RALYL: variants seen among roughly 807,000 people sequenced by gnomAD.
RALYL encodes the protein RNA-binding Raly-like protein.
In RALYL, 29 loss-of-function variants were observed where a neutral mutation model predicts 35.1. The observed-to-expected ratio is 0.83, with a 90% CI of 0.61 to 1.13. The LOEUF is 1.13. Ranked by LOEUF, RALYL falls within the 50% of genes most tolerant of loss-of-function variation. RALYL has a pLI of 0.00. For missense variants in RALYL, 359 were observed against 360.4 expected (o/e 1.00, Z 0.03); for synonymous variants, 120 against 127.6 (o/e 0.94, Z 0.40).
chr8:84,464,127 A>G (rs1335884833), intron 1 of RALYL, among the ~76,000 whole-genome samples: 1 of 138,008 alleles, frequency 7.2e-6, no homozygotes, highest in Non-Finnish European at 1.6e-5. Context: ...AAACATTAAA[A>G]CAAGTTTTTT....
chr8:84,702,302 C>A (rs936690782), intron 2 of RALYL, among the ~76,000 whole-genome samples: 1 of 152,128 alleles, frequency 6.6e-6, no homozygotes, highest in Admixed American at 6.6e-5. Flanking sequence ...AGAAGCTACC[C>A]AGTGCATTGC....
At chr8:84,726,668 G>C (rs1845018884) in intron 2 of RALYL, among the ~76,000 whole-genome samples, 2 of 150,584 alleles carry the variant, frequency 1.3e-5, no homozygotes, top group African/African-American at 4.8e-5. Flanking sequence ...CTCTTACATG[G>C]AGGCAATTTC....
chr8:84,341,133 G>A (rs1194223758), intron 1 of RALYL, among the ~76,000 whole-genome samples: 2 of 139,726 alleles, frequency 1.4e-5, no homozygotes, highest in Non-Finnish European at 3.1e-5. Flanking sequence ...GTCTATTCCA[G>A]TTCTTCCTGT....
intron 2 of RALYL, among the ~76,000 whole-genome samples, chr8:84,683,833 T>G (rs1164501812): frequency 2.0e-5 from 3 of 152,128 alleles, no homozygotes; most frequent in Non-Finnish European, 2.9e-5. Flanking sequence ...ATTATAGGCA[T>G]GTGCCACCAT....
chr8:84,235,794 G>A (rs1289158599), intron 1 of RALYL, among the ~76,000 whole-genome samples: 3 of 133,778 alleles, frequency 2.2e-5, no homozygotes, highest in African/African-American at 8.8e-5. Context: ...TTGAGACAGA[G>A]TCTCATGCTG....
intron 2 of RALYL, among the ~76,000 whole-genome samples, chr8:84,753,108 C>T (rs1435142448): frequency 1.3e-5 from 2 of 152,192 alleles, no homozygotes; most frequent in African/African-American, 4.8e-5. Flanking sequence ...AAATCCACCC[C>T]TTGCATCAGT....
At chr8:84,252,180 C>T (rs1180516990) in intron 1 of RALYL, among the ~76,000 whole-genome samples, 2 of 152,014 alleles carry the variant, frequency 1.3e-5, no homozygotes, top group Non-Finnish European at 2.9e-5. Context: ...TTGTGACAAA[C>T]ATTGAGAGAA....
chr8:84,425,395 G>T (rs528340488), intron 1 of RALYL, among the ~76,000 whole-genome samples: 1 of 152,268 alleles, frequency 6.6e-6, no homozygotes, highest in Non-Finnish European at 1.5e-5. Flanking sequence ...GCAATGCCTC[G>T]CCCTGCTTCG....
At position 84,312,420 on chromosome 8, in the gene RALYL, T is replaced by C. The variant is rs1000297965; in HGVS notation, c.-24+127996T>C. Among the ~76,000 whole-genome samples, 8 of 152,274 alleles carry C rather than the reference T, an allele frequency of 5.3e-5. 1 individual carries two copies. The highest frequency in any genetic ancestry group is 4.6e-4 in the Admixed American group (7 of 15,290). On this transcript the variant is annotated intron_variant, in intron 1 of 8. Transcript: ENST00000521268. ...CCAACATCTTAACTCATTCCAGCATTAACTCAAAAGTCCAAGTCCACAATT... is the reference window on the plus strand; with the variant it reads ...CCAACATCTTAACTCATTCCAGCATCAACTCAAAAGTCCAAGTCCACAATT...
intron 2 of RALYL, among the ~76,000 whole-genome samples, chr8:84,642,048 A>G (rs1198481815): frequency 2.0e-5 from 3 of 152,014 alleles, no homozygotes; most frequent in Non-Finnish European, 4.4e-5. Context: ...ATGAGTACTC[A>G]TTTACTTATA....
intron 2 of RALYL, among the ~76,000 whole-genome samples, chr8:84,620,905 C>CG (rs1821212716): frequency 6.6e-6 from 1 of 152,068 alleles, no homozygotes; most frequent in South Asian, 2.1e-4. Flanking sequence ...TTAGGCTGCT[C>CG]GGGGGTCAGG....
intron 1 of RALYL, among the ~76,000 whole-genome samples, chr8:84,220,085 G>A (rs369896907): frequency 1.2e-4 from 18 of 151,942 alleles, no homozygotes; most frequent in Admixed American, 2.0e-4. Context: ...CCTGAGTTGC[G>A]TAATTTGGAT....
At chr8:84,214,135 T>A (rs535266309) in intron 1 of RALYL, among the ~76,000 whole-genome samples, 20 of 152,224 alleles carry the variant, frequency 1.3e-4, no homozygotes. Flanking sequence ...TAGAATATAC[T>A]TAATTAGGTC....
chr8:84,468,194 A>T (rs921261224), intron 1 of RALYL, among the ~76,000 whole-genome samples: 24 of 151,498 alleles, frequency 1.6e-4, no homozygotes, highest in African/African-American at 5.8e-4. Context: ...TTATGATTAT[A>T]GCTGGTGATT....
intron 2 of RALYL, among the ~76,000 whole-genome samples, chr8:84,739,091 A>G (rs959118035): frequency 1.3e-5 from 2 of 152,046 alleles, no homozygotes; most frequent in Non-Finnish European, 2.9e-5. Context: ...GTCCATGATT[A>G]AGATATAATT....
At chr8:84,633,129 A>G (rs1278606572) in intron 2 of RALYL, among the ~76,000 whole-genome samples, 3 of 151,390 alleles carry the variant, frequency 2.0e-5, no homozygotes, top group Admixed American at 2.0e-4. Flanking sequence ...TTTTTTTTTT[A>G]ATATTGCATG....
intron 1 of RALYL, among the ~76,000 whole-genome samples, chr8:84,383,687 A>G (rs1224603580): frequency 6.6e-6 from 1 of 151,174 alleles, no homozygotes; most frequent in Non-Finnish European, 1.5e-5. Context: ...AGTGGAGTGT[A>G]GAATTGAGTC....
At chr8:84,840,114 C>A in intron 4 of RALYL, among the ~76,000 whole-genome samples, 1 of 152,196 alleles carries the variant, frequency 6.6e-6, no homozygotes, top group Admixed American at 6.5e-5. Flanking sequence ...CAAAGCTGGA[C>A]AGGGAATGAC....
At chr8:84,490,924 G>T (rs2055218736) in intron 1 of RALYL, among the ~76,000 whole-genome samples, 1 of 151,576 alleles carries the variant, frequency 6.6e-6, no homozygotes, top group African/African-American at 2.4e-5. Flanking sequence ...CATATTTTTA[G>T]AAACCGCTCA....
Sources: gnomAD v4.1 joint callset for allele counts (sites outside exome capture counted in the v4.1 genomes callset) on GRCh38, gnomAD v4.1.1 for gene constraint, MANE v1.5 for transcripts, NCBI Gene and HGNC (gene_info 2026-07-23, HGNC 2026-07-21) for gene names.